NCAM2: variants seen among roughly 807,000 people sequenced by gnomAD.
The protein encoded by NCAM2 is N-CAM-2.
Under a neutral mutation model 98.1 loss-of-function variants are expected in NCAM2, and 30 were observed. The observed-to-expected ratio is 0.31, with a 90% CI of 0.23 to 0.41. NCAM2 has a LOEUF of 0.41. Among genes scored for constraint, NCAM2 ranks in the 10% least tolerant of loss-of-function variants. The probability of loss-of-function intolerance (pLI) is 1.00; values close to 1 mark genes in which losing one functional copy is unlikely to be tolerated. For missense variants in NCAM2, 867 were observed against 1,005.8 expected, an observed-to-expected ratio of 0.86 and a Z score of 1.87; for synonymous variants, 368 against 342.4, an observed-to-expected ratio of 1.07 and a Z score of -0.83.
At chr21:21,523,917 G>GTA (rs34104809) in intron 16 of NCAM2, among the ~76,000 whole-genome samples, 10 of 151,256 alleles carry the variant, frequency 6.6e-5, no homozygotes, top group Non-Finnish European at 1.0e-4. Flanking sequence ...TACAAATATA[G>GTA]TATATATATT....
At chr21:21,198,171 A>C (rs192446961) in intron 1 of NCAM2, among the ~76,000 whole-genome samples, 55 of 146,948 alleles carry the variant, frequency 3.7e-4, no homozygotes, top group African/African-American at 1.3e-3. Context: ...ATTTTTTTAA[A>C]TATGTAAAGT....
intron 15 of NCAM2, among the ~76,000 whole-genome samples, chr21:21,502,149 T>G (rs940118841): frequency 4.6e-5 from 7 of 151,980 alleles, no homozygotes; most frequent in African/African-American, 1.7e-4. Flanking sequence ...CCATTTTGAA[T>G]AGAAGTTAGT....
At chr21:21,365,283 C>A (rs908514488) in intron 8 of NCAM2, among the ~76,000 whole-genome samples, 7 of 124,482 alleles carry the variant, frequency 5.6e-5, no homozygotes, top group Non-Finnish European at 1.1e-4. Flanking sequence ...AAAAACAATG[C>A]AAGGCCTTGG....
At chr21:21,133,494 AG>A (rs2066978112) in intron 1 of NCAM2, among the ~76,000 whole-genome samples, 1 of 152,190 alleles carries the variant, frequency 6.6e-6, no homozygotes, top group Admixed American at 6.5e-5. Context: ...TCTGATTTCA[AG>A]GAGGCAGAGG....
At chr21:21,347,267 T>G (rs571070383) in intron 8 of NCAM2, among the ~76,000 whole-genome samples, 1 of 151,980 alleles carries the variant, frequency 6.6e-6, no homozygotes, top group Non-Finnish European at 1.5e-5. Context: ...ACATACAACC[T>G]ACACATAAAC....
rs1363436028 is a variant in NCAM2 at position 21,277,145 on chromosome 21, T to C, written c.56-3433T>C. On this transcript the variant is annotated intron_variant, in intron 1 of 17. Transcript: ENST00000400546. ...ACATTTCTTAGATTCCTGATATCCT[T>C]AAATGAAGTCATTCCAAAATTATAT... Among the ~76,000 whole-genome samples, 5 of 152,100 alleles carry C rather than the reference T, an allele frequency of 3.3e-5. No homozygotes were observed. In the East Asian group the frequency reaches 9.6e-4, roughly 29 times the overall value.
At chr21:21,048,414 G>A (rs529271200) in intron 1 of NCAM2, among the ~76,000 whole-genome samples, 3 of 151,784 alleles carry the variant, frequency 2.0e-5, no homozygotes, top group Non-Finnish European at 4.4e-5. Context: ...GTACAGTGGC[G>A]CAATCTCTGC....
intron 1 of NCAM2, 61 bp from the exon 2 acceptor site, chr21:21,280,517 A>G (rs924526151): frequency 1.4e-5 from 17 of 1,207,004 alleles, no homozygotes; most frequent in South Asian, 1.1e-4. Context: ...GACATCATGC[A>G]TTAAAATCTT....
intron 8 of NCAM2, among the ~76,000 whole-genome samples, chr21:21,349,020 A>G (rs902522038): frequency 2.0e-5 from 3 of 152,062 alleles, no homozygotes; most frequent in African/African-American, 7.2e-5. Context: ...CAGGACATTG[A>G]CCTGGGCATA....
At chr21:21,452,572 T>C (rs1414115504) in intron 12 of NCAM2, among the ~76,000 whole-genome samples, 1 of 90,608 alleles carries the variant, frequency 1.1e-5, no homozygotes, top group Non-Finnish European at 2.4e-5. Context: ...ATAGTATATA[T>C]ATTGTATATA....
intron 12 of NCAM2, among the ~76,000 whole-genome samples, chr21:21,460,446 G>C (rs1982802616): frequency 6.6e-6 from 1 of 151,832 alleles, no homozygotes; most frequent in Non-Finnish European, 1.5e-5. Flanking sequence ...GATCAGATAG[G>C]ACTTGAATAG....
intron 1 of NCAM2, among the ~76,000 whole-genome samples, chr21:21,023,944 A>G (rs2064489156): frequency 6.6e-6 from 1 of 152,154 alleles, no homozygotes; most frequent in African/African-American, 2.4e-5. Context: ...AATGTCGTAT[A>G]CTCATTTCTA....
chr21:21,439,320 T>C (rs1035000086), intron 12 of NCAM2, among the ~76,000 whole-genome samples: 12 of 152,138 alleles, frequency 7.9e-5, no homozygotes, highest in African/African-American at 2.7e-4. Flanking sequence ...GGTTTCACCA[T>C]GTTGGCCAGG....
At chr21:21,242,544 A>G (rs376475506) in intron 1 of NCAM2, among the ~76,000 whole-genome samples, 21 of 152,102 alleles carry the variant, frequency 1.4e-4, no homozygotes, top group South Asian at 8.3e-4. Flanking sequence ...CTCTACTTCT[A>G]TGGGTTCACT....
chr21:21,037,610 T>G (rs975728611), intron 1 of NCAM2, among the ~76,000 whole-genome samples: 5 of 152,200 alleles, frequency 3.3e-5, no homozygotes, highest in African/African-American at 4.8e-5. Flanking sequence ...AGACAACAGA[T>G]AAACACTAAT....
chr21:21,131,593 A>T (rs1202880359), intron 1 of NCAM2, among the ~76,000 whole-genome samples: 1 of 152,210 alleles, frequency 6.6e-6, no homozygotes, highest in Non-Finnish European at 1.5e-5. Context: ...TTATATATAC[A>T]AATTAGCCTT....
At chr21:21,043,849 T>TC (rs2064955882) in intron 1 of NCAM2, among the ~76,000 whole-genome samples, 1 of 18,780 alleles carries the variant, frequency 5.3e-5, no homozygotes, top group African/African-American at 1.3e-4. Context: ...TGAGACTCCG[T>TC]CAAAAAAAAA....
intron 6 of NCAM2, among the ~76,000 whole-genome samples, chr21:21,327,187 A>G (rs1245515194): frequency 6.6e-6 from 1 of 151,636 alleles, no homozygotes; most frequent in Non-Finnish European, 1.5e-5. Context: ...ACGCGCCTGT[A>G]GTCCCAGCTA....
intron 1 of NCAM2, among the ~76,000 whole-genome samples, chr21:21,109,274 T>A (rs2146519981): frequency 6.6e-6 from 1 of 152,246 alleles, no homozygotes; most frequent in South Asian, 2.1e-4. Context: ...CTGGAAACTC[T>A]TGAAAAATGA....
Sources: allele counts gnomAD v4.1 joint callset (sites outside exome capture counted in the v4.1 genomes callset), GRCh38; gene constraint gnomAD v4.1.1; transcripts MANE v1.5; gene names NCBI Gene and HGNC (gene_info 2026-07-23, HGNC 2026-07-21).